Variants in SUGCT observed in about 807,000 individuals in gnomAD.
SUGCT encodes succinyl-CoA:glutarate CoA-transferase.
Under a neutral mutation model 55.0 loss-of-function variants are expected in SUGCT, and 41 were observed. The observed-to-expected ratio is 0.74, with a 90% CI of 0.58 to 0.97. SUGCT has a LOEUF of 0.97. SUGCT is among the 50% of genes least tolerant of loss of function. The pLI is 0.00. For synonymous variants in SUGCT, 187 were observed against 200.4 expected, an observed-to-expected ratio of 0.93 and a Z score of 0.56; for missense variants, 568 against 547.8, an observed-to-expected ratio of 1.04 and a Z score of -0.37.
At chr7:40,465,073 T>G (rs944488625) in intron 11 of SUGCT, among the ~76,000 whole-genome samples, 5 of 152,238 alleles carry the variant, frequency 3.3e-5, no homozygotes, top group Admixed American at 2.0e-4. Flanking sequence ...TATGTCATCA[T>G]AAATAAAACT....
At chr7:40,257,392 T>A (rs1356679745) in intron 7 of SUGCT, among the ~76,000 whole-genome samples, 1 of 152,124 alleles carries the variant, frequency 6.6e-6, no homozygotes, top group Non-Finnish European at 1.5e-5. Flanking sequence ...TATATGGCAC[T>A]GGTACGCTGG....
intron 12 of SUGCT, among the ~76,000 whole-genome samples, chr7:40,669,977 A>T (rs896400081): frequency 6.6e-6 from 1 of 151,874 alleles, no homozygotes; most frequent in Non-Finnish European, 1.5e-5. Flanking sequence ...AAAGAAATTC[A>T]TGCCAAAATA....
At chr7:40,539,265 C>T (rs1301245790) in intron 12 of SUGCT, 1 of 151,790 alleles carries the variant, frequency 6.6e-6, no homozygotes, top group East Asian at 1.9e-4. Flanking sequence ...AATGGAAGTC[C>T]AAAACTTACT....
intron 11 of SUGCT, among the ~76,000 whole-genome samples, chr7:40,485,402 A>T: frequency 6.8e-6 from 1 of 146,352 alleles, no homozygotes; most frequent in East Asian, 2.0e-4. Context: ...AGGTATATAT[A>T]TATCTATATA....
At chr7:40,810,281 C>T (rs1791340789) in intron 13 of SUGCT, among the ~76,000 whole-genome samples, 1 of 152,020 alleles carries the variant, frequency 6.6e-6, no homozygotes, top group Non-Finnish European at 1.5e-5. Context: ...GGATACATAC[C>T]TAGTAATGGG....
At chr7:40,750,937 A>G (rs1042286140) in intron 13 of SUGCT, among the ~76,000 whole-genome samples, 1 of 152,234 alleles carries the variant, frequency 6.6e-6, no homozygotes, top group Non-Finnish European at 1.5e-5. Context: ...ATACAAAAAT[A>G]AACCAGACAA....
intron 12 of SUGCT, among the ~76,000 whole-genome samples, chr7:40,552,535 A>G (rs1795353504): frequency 6.6e-6 from 1 of 152,090 alleles, no homozygotes; most frequent in Admixed American, 6.5e-5. Flanking sequence ...TGTCATGATT[A>G]CCATGCGTTG....
intron 13 of SUGCT, among the ~76,000 whole-genome samples, chr7:40,829,578 A>C (rs939448851): frequency 6.6e-6 from 1 of 152,184 alleles, no homozygotes; most frequent in Non-Finnish European, 1.5e-5. Context: ...AAAAAGAAAA[A>C]CAAAAGCAGT....
chr7:40,847,868 G>A (rs1236249132), intron 13 of SUGCT, among the ~76,000 whole-genome samples: 1 of 152,160 alleles, frequency 6.6e-6, no homozygotes, highest in Non-Finnish European at 1.5e-5. Context: ...AAAAGGGAAA[G>A]TTAAGCCTGG....
chr7:40,852,321 T>C (rs187183840), intron 13 of SUGCT, among the ~76,000 whole-genome samples: 69 of 152,286 alleles, frequency 4.5e-4, no homozygotes, highest in African/African-American at 1.6e-3. Context: ...CACATCCACT[T>C]TTCTTAAAAC....
chr7:40,337,268 T>G lies in SUGCT; in HGVS notation c.816+20413T>G, dbSNP rs182139664. Among the ~76,000 whole-genome samples, 9 of 152,328 alleles carry G rather than the reference T, an allele frequency of 5.9e-5. No homozygotes were observed. In the East Asian group the frequency reaches 1.7e-3, roughly 29 times the overall value. ...TTCTGTAGATGTCTATTACTTCTGCTTGGTGCAGAGCTGAGTTCAATTCCT... is the reference window on the plus strand; with the variant it reads ...TTCTGTAGATGTCTATTACTTCTGCGTGGTGCAGAGCTGAGTTCAATTCCT... On this transcript the variant is annotated intron_variant, in intron 9 of 13. Coordinates refer to ENST00000335693, the MANE Select transcript of SUGCT (RefSeq NM_001193313.2).
At chr7:40,588,312 A>G (rs994190773) in intron 12 of SUGCT, among the ~76,000 whole-genome samples, 1 of 151,808 alleles carries the variant, frequency 6.6e-6, no homozygotes, top group South Asian at 2.1e-4. Flanking sequence ...TACATGTGCC[A>G]TGCTGGTGCG....
chr7:40,911,639 C>G, the SUGCT span, among the ~76,000 whole-genome samples: 1 of 151,670 alleles, frequency 6.6e-6, no homozygotes, highest in African/African-American at 2.4e-5. Flanking sequence ...TGGGGGCTGT[C>G]CTGTGTGCAT....
chr7:40,269,504 G>A (rs1332795224), intron 7 of SUGCT, among the ~76,000 whole-genome samples: 3 of 151,862 alleles, frequency 2.0e-5, no homozygotes, highest in African/African-American at 7.3e-5. Context: ...TGTATTTATC[G>A]TAGAGATGTG....
At chr7:40,201,385 T>C (rs1420636132) in intron 6 of SUGCT, among the ~76,000 whole-genome samples, 1 of 152,184 alleles carries the variant, frequency 6.6e-6, no homozygotes, top group Non-Finnish European at 1.5e-5. Flanking sequence ...ATAATCAATA[T>C]GGAGATGATA....
chr7:40,242,731 C>G (rs959381052), intron 7 of SUGCT, among the ~76,000 whole-genome samples: 2 of 151,050 alleles, frequency 1.3e-5, no homozygotes, highest in African/African-American at 4.9e-5. Flanking sequence ...GGTTCTGGCT[C>G]TAATTCACTG....
At chr7:40,180,410 A>T (rs1584268892) in intron 1 of SUGCT, among the ~76,000 whole-genome samples, 1 of 151,594 alleles carries the variant, frequency 6.6e-6, no homozygotes, top group Admixed American at 6.6e-5. Flanking sequence ...GAGCCACCAT[A>T]CCTGGCCTGT....
At chr7:40,835,827 A>G (rs1450469619) in intron 13 of SUGCT, among the ~76,000 whole-genome samples, 1 of 152,034 alleles carries the variant, frequency 6.6e-6, no homozygotes, top group Non-Finnish European at 1.5e-5. Context: ...CCAATTGGTT[A>G]GGAAAATATT....
chr7:40,883,668 A>G, the SUGCT span, among the ~76,000 whole-genome samples: 1 of 152,224 alleles, frequency 6.6e-6, no homozygotes, highest in Non-Finnish European at 1.5e-5. Context: ...ATAGTGTTAA[A>G]TTGGCCTTCT....
Sources: allele counts gnomAD v4.1 joint callset (sites outside exome capture counted in the v4.1 genomes callset), GRCh38; gene constraint gnomAD v4.1.1; transcripts MANE v1.5; gene names NCBI Gene and HGNC (gene_info 2026-07-23, HGNC 2026-07-21).